ZBTB8OS: variants seen among roughly 807,000 people sequenced by gnomAD.
ZBTB8OS encodes tRNA-splicing ligase-activating factor archease.
ZBTB8OS carries 16 observed loss-of-function variants against 29.3 expected under a neutral mutation model. The ratio of observed to expected loss-of-function variants is 0.55; its 90% CI spans 0.37 to 0.83. The LOEUF is 0.83. Among genes scored for constraint, ZBTB8OS ranks in the 40% least tolerant of loss-of-function variants. The probability of loss-of-function intolerance (pLI) is 0.00; values close to 1 mark genes in which losing one functional copy is unlikely to be tolerated. For missense variants in ZBTB8OS, 160 were observed against 196.9 expected (o/e 0.81, Z 1.12); for synonymous variants, 70 against 64.6 (o/e 1.08, Z -0.40).
At chr1:32,639,824 T>C (rs1646264270) in intron 1 of ZBTB8OS, 2 of 152,184 alleles carry the variant, frequency 1.3e-5, no homozygotes, top group African/African-American at 4.8e-5. Context: ...TTTACATTTT[T>C]TCAAATATTT....
chr1:32,649,669 T>C (rs635053), intron 1 of ZBTB8OS, among the ~76,000 whole-genome samples: 105,467 of 125,510 alleles, frequency 0.84, 43,146 homozygotes, highest in Non-Finnish European at 0.91. Flanking sequence ...CACACACACA[T>C]TTTTTTTTTT....
intron 6 of ZBTB8OS, among the ~76,000 whole-genome samples, chr1:32,625,805 C>A (rs892015138): frequency 7.9e-5 from 12 of 151,888 alleles, no homozygotes; most frequent in African/African-American, 2.9e-4. Flanking sequence ...CAGTTATGTG[C>A]CGCATAACAT....
chr1:32,650,657 G>A, upstream of ZBTB8OS: 1 of 1,556,812 alleles, frequency 6.4e-7, no homozygotes, highest in Non-Finnish European at 8.7e-7. Context: ...TCTCGGAGTT[G>A]GCTGTTGACC....
intron 1 of ZBTB8OS, among the ~76,000 whole-genome samples, chr1:32,649,021 C>T (rs1395777763): frequency 7.0e-5 from 9 of 129,372 alleles, no homozygotes; most frequent in South Asian, 2.6e-4. Context: ...GGCTGGAGTG[C>T]AGTGGTGTGA....
intron 1 of ZBTB8OS, among the ~76,000 whole-genome samples, chr1:32,635,132 G>C (rs1645856828): frequency 6.6e-6 from 1 of 151,868 alleles, no homozygotes; most frequent in Non-Finnish European, 1.5e-5. Flanking sequence ...CCTAATCCTA[G>C]ATAAAATCAA....
intron 5 of ZBTB8OS, among the ~76,000 whole-genome samples, chr1:32,629,184 G>A (rs1372412810): frequency 6.6e-6 from 1 of 151,944 alleles, no homozygotes; most frequent in Non-Finnish European, 1.5e-5. Flanking sequence ...ACTGAGGCAG[G>A]AAGATAGCTT....
chr1:32,621,795 G>C lies in ZBTB8OS; in HGVS notation c.*67C>G. The C allele has an allele frequency of 9.5e-7, 1 of 1,056,530 alleles. No individual in the cohort carries two copies. Among genetic ancestry groups the C allele is most frequent in the Non-Finnish European group, 1.4e-6 (1 of 707,122 alleles). 65.4% of individuals were successfully genotyped at this position (1,056,530 alleles called of 1,614,324 possible). ...AAAAAGCTGTAGAATTTAATTCATA[G>C]TGTCTTCTCAAAAGGAAGAGGAAAA... On this transcript the variant is annotated 3_prime_UTR_variant, in exon 7 of 7. Coordinates refer to ENST00000468695, the MANE Select transcript of ZBTB8OS (RefSeq NM_178547.5).
At chr1:32,636,421 T>C (rs554987178) in intron 1 of ZBTB8OS, among the ~76,000 whole-genome samples, 64 of 152,320 alleles carry the variant, frequency 4.2e-4, no homozygotes, top group Middle Eastern at 3.4e-3. Context: ...CTGGGCGCAG[T>C]TGCTCACGCC....
At chr1:32,643,326 G>C (rs1039289292) in intron 1 of ZBTB8OS, among the ~76,000 whole-genome samples, 3 of 151,926 alleles carry the variant, frequency 2.0e-5, no homozygotes, top group African/African-American at 7.3e-5. Context: ...ACCCGCCTTG[G>C]CCTCCCAAAG....
chr1:32,632,534 C>T (rs940133295), intron 4 of ZBTB8OS, among the ~76,000 whole-genome samples: 3 of 152,156 alleles, frequency 2.0e-5, no homozygotes, highest in Admixed American at 1.3e-4. Context: ...CCCACCTCAG[C>T]CTCTGGAGTA....
chr1:32,633,480 G>GT, intron 4 of ZBTB8OS, 165 bp downstream of exon 4: 1 of 553,754 alleles, frequency 1.8e-6, no homozygotes, highest in East Asian at 3.1e-5. Context: ...GCAAATGCAG[G>GT]TTAACCAGGA....
chr1:32,637,522 TGCACCACC>T (rs141995416), intron 1 of ZBTB8OS, among the ~76,000 whole-genome samples: 5,789 of 151,044 alleles, frequency 0.038, 223 homozygotes, highest in East Asian at 0.11. Flanking sequence ...GAGCCAAGAT[TGCACCACC>T]GCACTCCAGT....
intron 1 of ZBTB8OS, among the ~76,000 whole-genome samples, chr1:32,638,788 C>T (rs551196749): frequency 4.0e-5 from 6 of 151,526 alleles, no homozygotes; most frequent in African/African-American, 1.5e-4. Context: ...GTGGCACAAC[C>T]CTGTAATCCC....
chr1:32,634,761 T>C lies in ZBTB8OS; in HGVS notation c.122+7A>G. 1 of 1,613,982 alleles carries C rather than the reference T, an allele frequency of 6.2e-7. No individual in the cohort carries two copies. Among genetic ancestry groups the C allele is most frequent in the Non-Finnish European group, 8.5e-7 (1 of 1,179,898 alleles). ...GTTTCAAAGGAATGAACTCCCGCTA[T>C]ACTCACTGGACATCTGCTGTATGAT... is the stretch of plus-strand genomic sequence containing the variant. On this transcript the variant is annotated splice_region_variant and intron_variant, in intron 2 of 6. Coordinates refer to ENST00000468695, the MANE Select transcript of ZBTB8OS (RefSeq NM_178547.5).
intron 5 of ZBTB8OS, chr1:32,627,928 C>T: frequency 5.7e-6 from 1 of 175,488 alleles, no homozygotes; most frequent in Non-Finnish European, 1.2e-5. Context: ...GCCTGTGGTC[C>T]CAGCCACTCA....
chr1:32,635,528 T>A (rs1252647104), intron 1 of ZBTB8OS, among the ~76,000 whole-genome samples: 7 of 152,104 alleles, frequency 4.6e-5, no homozygotes, highest in Admixed American at 4.6e-4. Context: ...CACCTAGGCC[T>A]CCCAAAGTGC....
intron 1 of ZBTB8OS, among the ~76,000 whole-genome samples, chr1:32,646,667 A>C (rs1646861328): frequency 1.3e-5 from 2 of 151,968 alleles, no homozygotes; most frequent in Non-Finnish European, 2.9e-5. Flanking sequence ...GTATAAAAAA[A>C]AAATTAGGAA....
At chr1:32,643,710 T>C (rs1479390011) in intron 1 of ZBTB8OS, among the ~76,000 whole-genome samples, 1 of 152,036 alleles carries the variant, frequency 6.6e-6, no homozygotes, top group East Asian at 1.9e-4. Flanking sequence ...TTGGCCAGGC[T>C]GGTCTTGAAC....
chr1:32,629,683 G>T (rs1363919556), intron 5 of ZBTB8OS, among the ~76,000 whole-genome samples: 2 of 150,746 alleles, frequency 1.3e-5, no homozygotes, highest in East Asian at 3.9e-4. Context: ...TGGTATAATA[G>T]AAAGAGCAAA....
Sources: gnomAD v4.1 joint callset for allele counts (sites outside exome capture counted in the v4.1 genomes callset) on GRCh38, gnomAD v4.1.1 for gene constraint, MANE v1.5 for transcripts, NCBI Gene and HGNC (gene_info 2026-07-23, HGNC 2026-07-21) for gene names.